PLCG2: variants seen among roughly 807,000 people sequenced by gnomAD.
PLCG2 encodes the protein phospholipase C gamma 2, also known as 1-phosphatidylinositol 4,5-bisphosphate phosphodiesterase gamma-2.
PLCG2 carries 69 observed loss-of-function variants against 175.6 expected under a neutral mutation model. The ratio of observed to expected loss-of-function variants is 0.39; its 90% CI spans 0.32 to 0.48. The LOEUF (loss-of-function observed/expected upper bound fraction) is 0.48, where lower values mean the gene tolerates loss of function less well. Ranked by LOEUF, PLCG2 falls within the 20% of genes least tolerant of loss-of-function variation. The pLI, the probability that PLCG2 is intolerant of heterozygous loss-of-function variation, is 0.91. For missense variants in PLCG2, 1,798 were observed against 1,650.9 expected (o/e 1.09, Z -1.54); for synonymous variants, 827 against 624.0 (o/e 1.33, Z -4.85).
chr16:81,900,649 G>A lies in PLCG2; in HGVS notation c.1231G>A (p.Val411Met), dbSNP rs1490470559. The change falls in exon 14 of 33, where the codon GTG becomes ATG. Residue 411 changes from valine to methionine, a missense_variant. Transcript: ENST00000564138. ...CCTGTCCATCGAGGAGCACTGCAGC[G>A]TGGAGCAACAGCGTCACATGGCCAA... ...VILSIEEHCS[V>M]EQQRHMAKAF... The A allele has an allele frequency of 1.9e-6, 3 of 1,611,384 alleles. No homozygotes were observed. Among genetic ancestry groups the A allele is most frequent in the Non-Finnish European group, 1.7e-6 (2 of 1,177,824 alleles).
chr16:81,827,701 A>C (rs1266403678), intron 2 of PLCG2, among the ~76,000 whole-genome samples: 1 of 152,090 alleles, frequency 6.6e-6, no homozygotes, highest in Non-Finnish European at 1.5e-5. Context: ...GCCTGGTGTA[A>C]AGTGGACAGA....
chr16:81,904,379 C>G (rs934216169), intron 14 of PLCG2, among the ~76,000 whole-genome samples: 7 of 152,228 alleles, frequency 4.6e-5, no homozygotes, highest in African/African-American at 1.7e-4. Flanking sequence ...AGCTCCTTCA[C>G]CAGGTTACAT....
At chr16:81,861,530 C>A (rs943367160) in intron 5 of PLCG2, among the ~76,000 whole-genome samples, 5 of 152,230 alleles carry the variant, frequency 3.3e-5, no homozygotes, top group African/African-American at 2.4e-5. Flanking sequence ...TCTCCGTCCT[C>A]TTCTTCTCAT....
chr16:81,815,986 C>T (rs1199993047), intron 2 of PLCG2, among the ~76,000 whole-genome samples: 4 of 151,268 alleles, frequency 2.6e-5, no homozygotes, highest in African/African-American at 7.3e-5. Flanking sequence ...TGCTTGAACC[C>T]GGGAGGTGGA....
rs150923293 is a variant in PLCG2, at chr16:81,934,365, C to T, written c.2740-64C>T. The T allele has an allele frequency of 4.3e-3, 4,269 of 981,536 alleles. 28 individuals carry two copies. Among genetic ancestry groups the T allele is most frequent in the African/African-American group, 0.019 (1,181 of 61,968 alleles). The allele number at this position is 981,536 out of a possible 1,614,324, so 60.8% of individuals were successfully genotyped here. ...AAGTGGGGATGGAGGAGGAAAAATG[C>T]AGGGCGAGCTGGGAAGATGGGATTT... is the stretch of plus-strand genomic sequence containing the variant. On this transcript the variant is annotated intron_variant, in intron 25 of 32. Transcript: ENST00000564138.
intron 7 of PLCG2, among the ~76,000 whole-genome samples, chr16:81,880,157 T>C (rs1404852227): frequency 6.6e-6 from 1 of 152,106 alleles, no homozygotes; most frequent in African/African-American, 2.4e-5. Flanking sequence ...AGGAAGATCA[T>C]GTGAGCTCAG....
chr16:81,825,550 C>A (rs373522076), intron 2 of PLCG2, among the ~76,000 whole-genome samples: 3 of 152,294 alleles, frequency 2.0e-5, no homozygotes, highest in Non-Finnish European at 4.4e-5. Context: ...CTGCCTCGGT[C>A]TCCCAAAGTG....
chr16:81,885,051 C>G (rs571585890), intron 9 of PLCG2, among the ~76,000 whole-genome samples: 4 of 105,244 alleles, frequency 3.8e-5, no homozygotes, highest in African/African-American at 1.6e-4. Context: ...CCATGCCTGA[C>G]AATTTTTTTT....
intron 14 of PLCG2, 23 bp downstream of exon 14, chr16:81,900,803 T>C: frequency 6.3e-7 from 1 of 1,586,122 alleles, no homozygotes; most frequent in Middle Eastern, 1.8e-4. Context: ...GGTGCTGCTG[T>C]TGGCTGTCCA....
At chr16:81,788,751 G>A (rs554596146) in intron 2 of PLCG2, among the ~76,000 whole-genome samples, 1 of 152,186 alleles carries the variant, frequency 6.6e-6, no homozygotes, top group African/African-American at 2.4e-5. Context: ...GAGCCCAGTG[G>A]GTCTCTTGTG....
At chr16:81,927,982 G>T (rs1910346059) in intron 23 of PLCG2, among the ~76,000 whole-genome samples, 1 of 151,620 alleles carries the variant, frequency 6.6e-6, no homozygotes, top group Non-Finnish European at 1.5e-5. Flanking sequence ...TGCAGGGGGT[G>T]GGGTTTGGGG....
In PLCG2 at chr16:81,818,301, C is replaced by T. The variant is rs145736388; in HGVS notation, c.193+32119C>T. 1.2e-3 allele frequency among the ~76,000 whole-genome samples: 189 copies of T among 152,314 alleles called. 1 individual carries two copies. Among genetic ancestry groups the T allele is most frequent in the African/African-American group, 4.2e-3 (173 of 41,574 alleles). On this transcript the variant is annotated intron_variant, in intron 2 of 32. Transcript: ENST00000564138. The stretch of plus-strand genomic sequence containing the variant: ...ACATCCCATTAGTCTCTCATTCCAT[C>T]GTGCTCTTCTCTTTGGGAGCATTGT...
intron 2 of PLCG2, among the ~76,000 whole-genome samples, chr16:81,825,253 C>G (rs1466568170): frequency 7.0e-6 from 1 of 143,576 alleles, no homozygotes; most frequent in African/African-American, 2.6e-5. Flanking sequence ...CTGCTCTAAT[C>G]TTTTAAATTA....
chr16:81,744,373 C>T (rs11150406), intron 1 of PLCG2, among the ~76,000 whole-genome samples: 81,289 of 151,462 alleles, frequency 0.54, 22,934 homozygotes, highest in Non-Finnish European at 0.63. Flanking sequence ...CCATATTAGC[C>T]AGGATGGTCT....
Position 81,960,601 on chromosome 16 carries a change from T to C in PLCG2, c.*2603T>C. On this transcript the variant is annotated 3_prime_UTR_variant, in exon 33 of 33. Coordinates refer to ENST00000564138, the MANE Select transcript of PLCG2 (RefSeq NM_002661.5). The stretch of plus-strand genomic sequence containing the variant: ...GTGCAGGAGTGAAAGGTGTAGAGGG[T>C]CTTGTTTTCCAAATTCGATCTCAGA... 4.3e-6 allele frequency: 1 copy of C among 231,608 alleles called. No homozygotes were observed. The highest frequency in any genetic ancestry group is 5.6e-5 in the Admixed American group (1 of 17,736). 14.3% of individuals were successfully genotyped at this position (231,608 alleles called of 1,614,324 possible). A position where few individuals can be genotyped will look rare whatever the true frequency, so the allele number is the denominator to read the frequency against.
intron 32 of PLCG2, among the ~76,000 whole-genome samples, chr16:81,957,157 G>T (rs1911607222): frequency 6.6e-6 from 1 of 152,094 alleles, no homozygotes; most frequent in Admixed American, 6.5e-5. Context: ...AAATTAGCTG[G>T]GCATGGTCGT....
intron 16 of PLCG2, 61 bp from the exon 17 acceptor site, chr16:81,908,355 T>G: frequency 1.4e-6 from 2 of 1,475,338 alleles, no homozygotes; most frequent in Non-Finnish European, 9.4e-7. Context: ...GAAGGACCTG[T>G]CTAGTGATGC....
intron 3 of PLCG2, 63 bp from the exon 4 acceptor site, chr16:81,858,200 C>A: frequency 2.6e-6 from 3 of 1,162,054 alleles, no homozygotes; most frequent in Non-Finnish European, 3.9e-6. Context: ...TGGGGCAGGG[C>A]TTTGTAAGCA....
At chr16:81,868,315 G>T (rs370063399) in intron 5 of PLCG2, among the ~76,000 whole-genome samples, 5 of 91,740 alleles carry the variant, frequency 5.5e-5, no homozygotes, top group Non-Finnish European at 1.3e-4. Context: ...TCCCCTCCCT[G>T]GCCCTTAGTG....
Sources: gnomAD v4.1 joint callset for allele counts (sites outside exome capture counted in the v4.1 genomes callset) on GRCh38, gnomAD v4.1.1 for gene constraint, MANE v1.5 for transcripts, NCBI Gene and HGNC (gene_info 2026-07-23, HGNC 2026-07-21) for gene names.